The following NTM variants were observed in gnomAD, a reference collection of about 807,000 sequenced individuals.
The protein encoded by NTM is IgLON family member 2.
A neutral mutation model predicts 42.1 loss-of-function variants in NTM; 13 were observed. That is an observed-to-expected ratio of 0.31 (90% confidence interval 0.20 to 0.49). NTM has a LOEUF of 0.49. Ranked by LOEUF, NTM falls within the 20% of genes least tolerant of loss-of-function variation. The pLI, the probability that NTM is intolerant of heterozygous loss-of-function variation, is 0.99. For synonymous variants in NTM, 187 were observed against 179.2 expected (o/e 1.04, Z -0.35); for missense variants, 373 against 452.8 (o/e 0.82, Z 1.60).
intron 2 of NTM, among the ~76,000 whole-genome samples, chr11:132,020,829 T>A (rs1259137461): frequency 1.3e-5 from 2 of 152,100 alleles, no homozygotes; most frequent in African/African-American, 2.4e-5. Flanking sequence ...GGTTGTTTTA[T>A]TTTTTTCTTT....
intron 1 of NTM, among the ~76,000 whole-genome samples, chr11:131,704,693 G>A (rs2076413382): frequency 6.6e-6 from 1 of 152,108 alleles, no homozygotes; most frequent in South Asian, 2.1e-4. Context: ...TCTTAAAGAA[G>A]TGCAGTGAGC....
chr11:131,702,346 C>G (rs970588958), intron 1 of NTM, among the ~76,000 whole-genome samples: 1 of 152,208 alleles, frequency 6.6e-6, no homozygotes, highest in African/African-American at 2.4e-5. Context: ...TCCACATAAA[C>G]TGCTTTTAGC....
At chr11:131,754,406 C>G (rs1301983867) in intron 1 of NTM, among the ~76,000 whole-genome samples, 2 of 152,154 alleles carry the variant, frequency 1.3e-5, no homozygotes, top group African/African-American at 4.8e-5. Flanking sequence ...AGGCAGATCA[C>G]TTGAGGTCAG....
chr11:132,293,313 C>G (rs2140028580), intron 4 of NTM, among the ~76,000 whole-genome samples: 1 of 152,106 alleles, frequency 6.6e-6, no homozygotes, highest in East Asian at 1.9e-4. Flanking sequence ...CACCAACCAA[C>G]AAAAAAATAT....
At chr11:131,522,775 T>C (rs2049930534) in intron 1 of NTM, among the ~76,000 whole-genome samples, 1 of 152,202 alleles carries the variant, frequency 6.6e-6, no homozygotes, top group Non-Finnish European at 1.5e-5. Context: ...AAGCATGATC[T>C]TAAGCTGTAT....
intron 4 of NTM, among the ~76,000 whole-genome samples, chr11:132,267,043 A>C (rs900736985): frequency 4.6e-5 from 7 of 152,190 alleles, no homozygotes; most frequent in African/African-American, 1.7e-4. Flanking sequence ...GGGAGGGGCC[A>C]CCCACCATTT....
chr11:132,243,234 C>A (rs2090515889), intron 4 of NTM, among the ~76,000 whole-genome samples: 1 of 152,330 alleles, frequency 6.6e-6, no homozygotes, highest in South Asian at 2.1e-4. Flanking sequence ...AGAGAGGAGG[C>A]TTTCTGGAAG....
chr11:132,102,048 C>CT (rs2061690290), intron 2 of NTM, among the ~76,000 whole-genome samples: 4 of 152,206 alleles, frequency 2.6e-5, no homozygotes, highest in Admixed American at 2.6e-4. Flanking sequence ...TTGCCTGCTT[C>CT]ACGCCTCTAA....
At chr11:132,030,063 C>A (rs1020276863) in intron 2 of NTM, among the ~76,000 whole-genome samples, 1 of 152,018 alleles carries the variant, frequency 6.6e-6, no homozygotes, top group Non-Finnish European at 1.5e-5. Context: ...TGGAGATTAT[C>A]ATTTGTCTTA....
At chr11:131,845,819 C>T (rs940377684) in intron 1 of NTM, among the ~76,000 whole-genome samples, 3 of 151,806 alleles carry the variant, frequency 2.0e-5, no homozygotes, top group African/African-American at 2.4e-5. Context: ...AATGTTTACC[C>T]GAGGATTTTT....
chr11:131,600,741 A>T (rs1340791998), intron 1 of NTM, among the ~76,000 whole-genome samples: 1 of 152,144 alleles, frequency 6.6e-6, no homozygotes, highest in Non-Finnish European at 1.5e-5. Context: ...AGAATGGGAG[A>T]TAGGTTTGCC....
At chr11:131,541,504 C>T (rs1222652743) in intron 1 of NTM, among the ~76,000 whole-genome samples, 2 of 152,110 alleles carry the variant, frequency 1.3e-5, no homozygotes, top group African/African-American at 4.8e-5. Context: ...TAAACCTAGT[C>T]GATTTTGTGA....
At chr11:132,108,349 A>G (rs548865646) in intron 2 of NTM, among the ~76,000 whole-genome samples, 3 of 152,334 alleles carry the variant, frequency 2.0e-5, no homozygotes, top group Admixed American at 1.3e-4. Context: ...AGGCAAAAAC[A>G]TATTTTTAAG....
At position 131,985,633 on chromosome 11, in the gene NTM, G is replaced by A. The variant is rs181589902; in HGVS notation, c.167+73985G>A. Among the ~76,000 whole-genome samples the A allele has an allele frequency of 5.3e-5, 8 of 152,266 alleles. No homozygotes were observed. The East Asian group carries it at 1.2e-3, about 22-fold the overall frequency. Reference sequence around the variant, plus strand: ...TCTTGACATCTTCCTGGGGTAAGGGGAGAGCACGCGGCGTCATAGGAAAAA... The same window carrying A: ...TCTTGACATCTTCCTGGGGTAAGGGAAGAGCACGCGGCGTCATAGGAAAAA... On this transcript the variant is annotated intron_variant, in intron 2 of 8. Coordinates refer to ENST00000683400, the MANE Select transcript of NTM (RefSeq NM_001352005.2).
intron 1 of NTM, among the ~76,000 whole-genome samples, chr11:131,866,166 C>T (rs1270562311): frequency 6.6e-6 from 1 of 151,858 alleles, no homozygotes; most frequent in East Asian, 2.0e-4. Context: ...TGCACACACA[C>T]AGCACACACA....
intron 1 of NTM, among the ~76,000 whole-genome samples, chr11:131,609,540 G>A (rs1246595929): frequency 1.3e-5 from 2 of 152,132 alleles, no homozygotes; most frequent in Non-Finnish European, 2.9e-5. Context: ...GGTTTCCATC[G>A]CAGGCTTGGA....
At chr11:131,448,247 T>G (rs1477624136) in intron 1 of NTM, among the ~76,000 whole-genome samples, 6 of 152,244 alleles carry the variant, frequency 3.9e-5, no homozygotes, top group African/African-American at 1.4e-4. Context: ...TTGGAGCAGC[T>G]GTCACAGCTG....
chr11:131,939,713 G>C (rs1345996522), intron 2 of NTM, among the ~76,000 whole-genome samples: 1 of 152,142 alleles, frequency 6.6e-6, no homozygotes, highest in Non-Finnish European at 1.5e-5. Flanking sequence ...GAACAATCTG[G>C]TTACATATTT....
chr11:131,911,268 T>G, intron 1 of NTM: 1 of 1,418,868 alleles, frequency 7.0e-7, no homozygotes, highest in Non-Finnish European at 9.2e-7. Context: ...GTGGAACCGG[T>G]TTTCCGAGGC....
Sources: gnomAD v4.1 joint callset for allele counts (sites outside exome capture counted in the v4.1 genomes callset) on GRCh38, gnomAD v4.1.1 for gene constraint, MANE v1.5 for transcripts, NCBI Gene and HGNC (gene_info 2026-07-23, HGNC 2026-07-21) for gene names.